OSBPL10: variants seen among roughly 807,000 people sequenced by gnomAD.
The protein encoded by OSBPL10 is oxysterol binding protein like 10, also known as oxysterol-binding protein-related protein 10.
OSBPL10 carries 49 observed loss-of-function variants against 81.7 expected under a neutral mutation model. The observed-to-expected ratio is 0.60, with a 90% CI of 0.48 to 0.76. The LOEUF (loss-of-function observed/expected upper bound fraction) is 0.76, where lower values mean the gene tolerates loss of function less well. Among genes scored for constraint, OSBPL10 ranks in the 30% least tolerant of loss-of-function variants. The pLI, the probability that OSBPL10 is intolerant of heterozygous loss-of-function variation, is 0.00. For synonymous variants in OSBPL10, 419 were observed against 383.6 expected, an observed-to-expected ratio of 1.09 and a Z score of -1.08; for missense variants, 923 against 987.8, an observed-to-expected ratio of 0.93 and a Z score of 0.88.
rs759687989 is a variant in OSBPL10, at chr3:31,748,114, T to G, written c.736A>C (p.Asn246His). Residue 246 changes from asparagine to histidine, a missense_variant, in exon 5 of 12, where the codon AAC becomes CAC. This residue lies in a region of OSBPL10 where 514 missense variants were observed against 508.0 expected (regional missense o/e 1.01). Coordinates refer to ENST00000396556, the MANE Select transcript of OSBPL10 (RefSeq NM_017784.5). The part of the protein sequence containing the change: ...GQLHEVREMM[N>H]QVEGQQKNLV... Reference sequence around the variant, plus strand: ...TTCTTCTGCTGCCCTTCCACCTGGTTCATCATCTACAAAACAAGAAGACAG... The same window carrying G: ...TTCTTCTGCTGCCCTTCCACCTGGTGCATCATCTACAAAACAAGAAGACAG... The G allele has an allele frequency of 6.2e-7, 1 of 1,611,966 alleles. No homozygotes were observed. The highest frequency in any genetic ancestry group is 1.7e-5 in the Admixed American group (1 of 59,640).
At chr3:31,678,159 T>A (rs1453005052) in intron 8 of OSBPL10, among the ~76,000 whole-genome samples, 1 of 145,700 alleles carries the variant, frequency 6.9e-6, no homozygotes, top group African/African-American at 2.5e-5. Flanking sequence ...TAAAAGGACC[T>A]CATCACTCTC....
chr3:31,853,757 T>G (rs1373023584), intron 3 of OSBPL10, among the ~76,000 whole-genome samples: 2 of 152,198 alleles, frequency 1.3e-5, no homozygotes, highest in African/African-American at 4.8e-5. Context: ...TGTTCTAACT[T>G]GAGACAGAGC....
chr3:32,046,885 C>T (rs1024457781), intron 1 of OSBPL10, among the ~76,000 whole-genome samples: 5 of 152,168 alleles, frequency 3.3e-5, no homozygotes, highest in Admixed American at 2.6e-4. Context: ...CAGGGACATG[C>T]AAGAAGTCAG....
At chr3:32,007,503 A>C (rs60032832) in intron 2 of OSBPL10, among the ~76,000 whole-genome samples, 3,167 of 152,180 alleles carry the variant, frequency 0.021, 107 homozygotes, top group East Asian at 0.15. Flanking sequence ...AAGAGACTCC[A>C]TCTCTTGTGT....
intron 1 of OSBPL10, among the ~76,000 whole-genome samples, chr3:31,905,568 T>C (rs1696384986): frequency 6.6e-6 from 1 of 151,952 alleles, no homozygotes; most frequent in African/African-American, 2.4e-5. Flanking sequence ...CAGGCTGCTC[T>C]CGAACTCCTG....
intron 3 of OSBPL10, among the ~76,000 whole-genome samples, chr3:31,844,366 C>T (rs1328208062): frequency 2.0e-5 from 3 of 152,180 alleles, no homozygotes; most frequent in African/African-American, 4.8e-5. Flanking sequence ...ATGTTTATAG[C>T]AGCCCTATAT....
chr3:31,870,929 G>A (rs1016677276), intron 3 of OSBPL10, among the ~76,000 whole-genome samples: 5 of 152,154 alleles, frequency 3.3e-5, no homozygotes, highest in Non-Finnish European at 7.3e-5. Context: ...GAGAACCTGT[G>A]TGTCTATACT....
intron 1 of OSBPL10, among the ~76,000 whole-genome samples, chr3:31,944,884 G>A (rs1031675276): frequency 7.1e-6 from 1 of 140,412 alleles, no homozygotes; most frequent in South Asian, 2.3e-4. Flanking sequence ...CAGGCACAGT[G>A]GCTTATGCCT....
At chr3:31,666,621 G>A (rs1176652616) in intron 10 of OSBPL10, among the ~76,000 whole-genome samples, 2 of 152,134 alleles carry the variant, frequency 1.3e-5, no homozygotes, top group Admixed American at 6.6e-5. Context: ...TCCCTATACA[G>A]CAGTCCCCCT....
chr3:31,702,312 C>T lies in OSBPL10; in HGVS notation c.1245+47G>A, dbSNP rs185881342. The T allele has an allele frequency of 2.0e-4, 317 of 1,600,390 alleles. 2 individuals carry two copies. In the African/African-American group the frequency reaches 3.9e-3, roughly 20 times the overall value. ...CATAGAGAAGGCTTGAGGATAGAGA[C>T]AGAACCCCAACAACTGACCACAAAT... On this transcript the variant is annotated intron_variant, in intron 7 of 11. Coordinates refer to ENST00000396556, the MANE Select transcript of OSBPL10 (RefSeq NM_017784.5).
At chr3:32,073,973 C>T (rs1699853767) in intron 1 of OSBPL10, among the ~76,000 whole-genome samples, 1 of 152,144 alleles carries the variant, frequency 6.6e-6, no homozygotes, top group South Asian at 2.1e-4. Flanking sequence ...CTCTCTACCT[C>T]TCCCTAGTTA....
chr3:31,747,365 C>T (rs1310959209), intron 5 of OSBPL10, among the ~76,000 whole-genome samples: 2 of 151,604 alleles, frequency 1.3e-5, no homozygotes, highest in Non-Finnish European at 2.9e-5. Context: ...ATTGCCAAAG[C>T]TCATTAATGG....
In OSBPL10 at chr3:31,699,198, C is replaced by T. The variant is rs187750525; in HGVS notation, c.1245+3161G>A. Among the ~76,000 whole-genome samples, 107 of 152,302 alleles carry T rather than the reference C, an allele frequency of 7.0e-4. 1 individual carries two copies. The highest frequency in any genetic ancestry group is 5.0e-3 in the Admixed American group (77 of 15,290). On this transcript the variant is annotated intron_variant, in intron 7 of 11. Transcript: ENST00000396556. ...TGGCACAACAGTCATGTCAGGATCTCCTGAATACCACATGATGTTACTCAT... is the reference window on the plus strand; with the variant it reads ...TGGCACAACAGTCATGTCAGGATCTTCTGAATACCACATGATGTTACTCAT...
intron 2 of OSBPL10, among the ~76,000 whole-genome samples, chr3:32,015,822 T>C (rs1294335503): frequency 1.3e-5 from 2 of 152,178 alleles, no homozygotes; most frequent in Non-Finnish European, 2.9e-5. Context: ...AAGATATTTA[T>C]GCAGCCAAAA....
At chr3:31,699,824 T>C (rs914908711) in intron 7 of OSBPL10, among the ~76,000 whole-genome samples, 1 of 152,204 alleles carries the variant, frequency 6.6e-6, no homozygotes, top group Non-Finnish European at 1.5e-5. Flanking sequence ...GGAAGTGTAC[T>C]TGTTTTTGGA....
chr3:31,932,776 A>T (rs1255817025), intron 1 of OSBPL10, among the ~76,000 whole-genome samples: 1 of 152,062 alleles, frequency 6.6e-6, no homozygotes, highest in Non-Finnish European at 1.5e-5. Flanking sequence ...AAGTATGTCA[A>T]TATTTTAATA....
intron 1 of OSBPL10, among the ~76,000 whole-genome samples, chr3:31,965,878 AAATAGATAACATATAT>A: frequency 1.0e-5 from 1 of 96,234 alleles, no homozygotes; most frequent in East Asian, 2.9e-4. Context: ...ATATTATATA[AAATAGATAACATATAT>A]TATATATTAT....
intron 3 of OSBPL10, among the ~76,000 whole-genome samples, chr3:31,857,873 G>A: frequency 8.0e-6 from 1 of 124,592 alleles, no homozygotes. Flanking sequence ...AGAGGGAGAG[G>A]GAAAGGGGGG....
intron 1 of OSBPL10, among the ~76,000 whole-genome samples, chr3:31,931,266 T>G (rs1209549950): frequency 6.6e-6 from 1 of 152,046 alleles, no homozygotes; most frequent in Non-Finnish European, 1.5e-5. Flanking sequence ...AAAATCTTAG[T>G]AGCATTTGAA....
Sources: gnomAD v4.1 joint callset for allele counts (sites outside exome capture counted in the v4.1 genomes callset) on GRCh38, gnomAD v4.1.1 for gene constraint, gnomAD v4.1.1 regional missense constraint, MANE v1.5 for transcripts, NCBI Gene and HGNC (gene_info 2026-07-23, HGNC 2026-07-21) for gene names.